PRKX: variants seen among roughly 807,000 people sequenced by gnomAD.
PRKX encodes protein kinase cAMP-dependent X-linked catalytic subunit, also known as cAMP-dependent protein kinase catalytic subunit PRKX.
A neutral mutation model predicts 22.0 loss-of-function variants in PRKX; 12 were observed. The ratio of observed to expected loss-of-function variants is 0.54; its 90% CI spans 0.35 to 0.88. The LOEUF is 0.88. Ranked by LOEUF, PRKX falls within the 40% of genes least tolerant of loss-of-function variation. The pLI, the probability that PRKX is intolerant of heterozygous loss-of-function variation, is 0.01. For synonymous variants in PRKX, 134 were observed against 137.7 expected (o/e 0.97, Z 0.19); for missense variants, 217 against 308.0 (o/e 0.70, Z 2.21).
intron 1 of PRKX, among the ~76,000 whole-genome samples, chrX:3,683,393 A>G (rs28562169): frequency 1.8e-5 from 2 of 111,098 alleles, no homozygotes; most frequent in Non-Finnish European, 3.8e-5. Context: ...TGGGGCTAAG[A>G]AGCTACTAAT....
chrX:3,662,824 T>G (rs1350392065), intron 2 of PRKX, among the ~76,000 whole-genome samples: 3 of 105,941 alleles, frequency 2.8e-5, no homozygotes, highest in African/African-American at 1.0e-4. Context: ...CTGGGCAACA[T>G]AGCAAGACCC....
At chrX:3,658,949 A>G (rs754532693) in intron 2 of PRKX, among the ~76,000 whole-genome samples, 20 of 111,725 alleles carry the variant, frequency 1.8e-4, no homozygotes, top group African/African-American at 6.5e-4. Context: ...GACAGCTTGC[A>G]ATGACACAGA....
At chrX:3,631,689 CTTCT>C (rs1211581445) in intron 4 of PRKX, among the ~76,000 whole-genome samples, 1 of 111,402 alleles carries the variant, frequency 9.0e-6, no homozygotes, top group Non-Finnish European at 1.9e-5. Context: ...GGTGGCCTTC[CTTCT>C]AAGAGACTGA....
chrX:3,679,652 C>T (rs1928032743), intron 1 of PRKX, among the ~76,000 whole-genome samples: 1 of 112,145 alleles, frequency 8.9e-6, no homozygotes, highest in Non-Finnish European at 1.9e-5. Flanking sequence ...ACATCCAGCC[C>T]AGACTCTGCT....
At chrX:3,682,453 A>C (rs1243856087) in intron 1 of PRKX, among the ~76,000 whole-genome samples, 1 of 111,139 alleles carries the variant, frequency 9.0e-6, no homozygotes, top group African/African-American at 3.3e-5. Flanking sequence ...AAGGCTGGGC[A>C]CAGTGGCTCA....
At chrX:3,663,424 CT>C (rs1927647163) in intron 2 of PRKX, among the ~76,000 whole-genome samples, 1 of 45,700 alleles carries the variant, frequency 2.2e-5, no homozygotes, top group Non-Finnish European at 5.0e-5. Context: ...GATCTTGTCC[CT>C]ACACACACAC....
At chrX:3,644,294 C>T (rs572519060) in intron 3 of PRKX, among the ~76,000 whole-genome samples, 17 of 93,952 alleles carry the variant, frequency 1.8e-4, no homozygotes, top group South Asian at 6.0e-4. Context: ...CTCAGCTAGT[C>T]GGGAGGCTGA....
chrX:3,608,871 C>T lies in PRKX; in HGVS notation c.*98G>A, dbSNP rs1208766873. The stretch of plus-strand genomic sequence containing the variant: ...GAGAAAAGTGGAGATGTCCTTATGC[C>T]GTGAAGAAGACATTTTGCTTCTGGT... On this transcript the variant is annotated 3_prime_UTR_variant, in exon 9 of 9. Coordinates refer to ENST00000262848, the MANE Select transcript of PRKX (RefSeq NM_005044.5). The T allele has an allele frequency of 8.9e-6, 1 of 111,774 alleles. No individual in the cohort carries two copies. Among genetic ancestry groups the T allele is most frequent in the Non-Finnish European group, 1.9e-5 (1 of 53,156 alleles). 9.2% of individuals were successfully genotyped at this position (111,774 alleles called of 1,213,427 possible). A position where few individuals can be genotyped will look rare whatever the true frequency, so the allele number is the denominator to read the frequency against.
intron 4 of PRKX, among the ~76,000 whole-genome samples, chrX:3,629,951 C>T (rs1009473356): frequency 8.9e-6 from 1 of 111,945 alleles, no homozygotes; most frequent in Non-Finnish European, 1.9e-5. Context: ...CCAAGAAAAC[C>T]ATTTCTTGAC....
chrX:3,624,665 T>G (rs1460941663), intron 5 of PRKX, among the ~76,000 whole-genome samples: 1 of 111,024 alleles, frequency 9.0e-6, no homozygotes, highest in African/African-American at 3.3e-5. Context: ...TTTCATCCAG[T>G]CTGGAGTGCA....
intron 1 of PRKX, among the ~76,000 whole-genome samples, chrX:3,692,472 C>T (rs1928351490): frequency 9.0e-6 from 1 of 110,766 alleles, no homozygotes; most frequent in Admixed American, 9.7e-5. Flanking sequence ...TAGCCACAAG[C>T]TCACAAGTGG....
In PRKX at chrX:3,674,825, C is replaced by T. The variant is rs1477022925; in HGVS notation, c.167-59G>A. ...GTCTTCCGACAAAGGAAGAAACCACCACAGCCATGCAATCAGCGGGGGGCT... is the reference window on the plus strand; with the variant it reads ...GTCTTCCGACAAAGGAAGAAACCACTACAGCCATGCAATCAGCGGGGGGCT... On this transcript the variant is annotated intron_variant, in intron 1 of 8. Coordinates refer to ENST00000262848, the MANE Select transcript of PRKX (RefSeq NM_005044.5). 5.2e-6 allele frequency: 6 copies of T among 1,162,505 alleles called. No homozygotes were observed. The African/African-American group carries it at 1.1e-4, about 21-fold the overall frequency.
chrX:3,620,133 C>G (rs759152588), intron 6 of PRKX, among the ~76,000 whole-genome samples: 216 of 111,953 alleles, frequency 1.9e-3, no homozygotes, highest in African/African-American at 6.9e-3. Flanking sequence ...AACACCTACT[C>G]TCATGTCCAT....
intron 1 of PRKX, among the ~76,000 whole-genome samples, chrX:3,696,714 T>C (rs1928448962): frequency 8.9e-6 from 1 of 112,483 alleles, no homozygotes; most frequent in Non-Finnish European, 1.9e-5. Context: ...GGATCTTCTT[T>C]ATAAGACAGA....
At chrX:3,654,283 TATC>T (rs1387455626) in intron 3 of PRKX, among the ~76,000 whole-genome samples, 4 of 97,560 alleles carry the variant, frequency 4.1e-5, no homozygotes, top group African/African-American at 1.1e-4. Flanking sequence ...TATAATACTA[TATC>T]ATATGTACAT....
intron 7 of PRKX, among the ~76,000 whole-genome samples, chrX:3,613,868 A>AAAAAAAAAAAAAAAAT (rs1441696495): frequency 9.7e-6 from 1 of 103,531 alleles, no homozygotes; most frequent in African/African-American, 3.5e-5. Context: ...AAAAAAAAAA[A>AAAAAAAAAAAAAAAAT]AAAAAAAAAA....
intron 4 of PRKX, among the ~76,000 whole-genome samples, chrX:3,627,044 T>C (rs1468290081): frequency 9.0e-6 from 1 of 111,490 alleles, no homozygotes; most frequent in Non-Finnish European, 1.9e-5. Context: ...TCACTAATCA[T>C]CAGGGAAATG....
Position 3,646,733 on chromosome X carries a change from G to T in PRKX, c.600-4762C>A, listed in dbSNP as rs766267637. ...TATGGGGACACAATCACAGTTCCTA[G>T]AACTGTCTGATGGGGACAAACAGTT... is the stretch of plus-strand genomic sequence containing the variant. On this transcript the variant is annotated intron_variant, in intron 3 of 8. Coordinates refer to ENST00000262848, the MANE Select transcript of PRKX (RefSeq NM_005044.5). Among the ~76,000 whole-genome samples, 5 of 110,382 alleles carry T rather than the reference G, an allele frequency of 4.5e-5. No homozygotes were observed. The South Asian group carries it at 2.0e-3, about 43-fold the overall frequency.
At chrX:3,703,851 T>G (rs897845795) in intron 1 of PRKX, among the ~76,000 whole-genome samples, 7 of 108,745 alleles carry the variant, frequency 6.4e-5, no homozygotes, top group African/African-American at 2.0e-4. Context: ...TTTGTATTTT[T>G]GGGTACAAAC....
Sources: allele counts gnomAD v4.1 joint callset (sites outside exome capture counted in the v4.1 genomes callset), GRCh38; gene constraint gnomAD v4.1.1; transcripts MANE v1.5; gene names NCBI Gene and HGNC (gene_info 2026-07-23, HGNC 2026-07-21).